CXADR: variants seen among roughly 807,000 people sequenced by gnomAD.
The protein encoded by CXADR is CXADR cell adhesion molecule, also known as coxsackievirus and adenovirus receptor.
In CXADR, 20 loss-of-function variants were observed where a neutral mutation model predicts 40.3. The ratio of observed to expected loss-of-function variants is 0.50; its 90% CI spans 0.35 to 0.72. The LOEUF is 0.72. CXADR is among the 30% of genes least tolerant of loss of function. CXADR has a pLI of 0.01. For synonymous variants in CXADR, 150 were observed against 161.3 expected, an observed-to-expected ratio of 0.93 and a Z score of 0.53; for missense variants, 332 against 449.1, an observed-to-expected ratio of 0.74 and a Z score of 2.36.
chr21:17,531,390 G>T (rs957095369), intron 1 of CXADR, among the ~76,000 whole-genome samples: 1 of 151,620 alleles, frequency 6.6e-6, no homozygotes, highest in Non-Finnish European at 1.5e-5. Context: ...GACTATTCTG[G>T]TGGATGTGTT....
chr21:17,532,088 G>A (rs758738270), intron 1 of CXADR, among the ~76,000 whole-genome samples: 17 of 151,890 alleles, frequency 1.1e-4, no homozygotes, highest in Non-Finnish European at 1.8e-4. Flanking sequence ...GCACCACCAC[G>A]TACAACTAAC....
intron 7 of CXADR, among the ~76,000 whole-genome samples, chr21:17,584,708 G>C (rs2061382827): frequency 6.6e-6 from 1 of 152,130 alleles, no homozygotes; most frequent in Admixed American, 6.5e-5. Context: ...GCGGGCACCT[G>C]TAATCCCAGC....
At chr21:17,587,988 G>T (rs1189318181) in intron 7 of CXADR, among the ~76,000 whole-genome samples, 1 of 152,020 alleles carries the variant, frequency 6.6e-6, no homozygotes, top group Non-Finnish European at 1.5e-5. Context: ...TATTAAATAG[G>T]GAATCCTTTC....
At chr21:17,522,741 C>T (rs969308722) in intron 1 of CXADR, among the ~76,000 whole-genome samples, 2 of 152,118 alleles carry the variant, frequency 1.3e-5, no homozygotes, top group African/African-American at 4.8e-5. Flanking sequence ...CTTCGTGTAC[C>T]GTAAATGCCA....
At chr21:17,534,732 A>G (rs1344510102) in intron 1 of CXADR, among the ~76,000 whole-genome samples, 1 of 151,630 alleles carries the variant, frequency 6.6e-6, no homozygotes, top group African/African-American at 2.4e-5. Flanking sequence ...GAACCTCTAA[A>G]TCTACTTATA....
intron 1 of CXADR, chr21:17,527,035 C>G (rs569561724): frequency 6.6e-6 from 1 of 152,240 alleles, no homozygotes; most frequent in Non-Finnish European, 1.5e-5. Flanking sequence ...GCAAAATACC[C>G]TATTTGCATT....
At chr21:17,586,414 T>TATAA (rs1282952890) in intron 7 of CXADR, among the ~76,000 whole-genome samples, 6 of 147,212 alleles carry the variant, frequency 4.1e-5, no homozygotes, top group African/African-American at 1.5e-4. Flanking sequence ...TATATATATA[T>TATAA]AATATATATT....
chr21:17,559,259 A>T (rs2061075353), intron 4 of CXADR, 128 bp downstream of exon 4: 1 of 937,636 alleles, frequency 1.1e-6, no homozygotes, highest in South Asian at 1.7e-5. Context: ...GGCTCACTGA[A>T]GCTTCAACCT....
At chr21:17,519,098 T>A (rs1412803893) in intron 1 of CXADR, 3 of 814,092 alleles carry the variant, frequency 3.7e-6, no homozygotes, top group Middle Eastern at 3.5e-4. Context: ...TTCCTGCGAT[T>A]ATACCACCAT....
intron 1 of CXADR, among the ~76,000 whole-genome samples, chr21:17,528,428 AT>A (rs1163131747): frequency 6.6e-6 from 1 of 150,662 alleles, no homozygotes; most frequent in Non-Finnish European, 1.5e-5. Context: ...TTTTTTTGAA[AT>A]GGAGTTTCGC....
chr21:17,572,197 A>C (rs1264032789), downstream of CXADR, among the ~76,000 whole-genome samples: 2 of 61,014 alleles, frequency 3.3e-5, no homozygotes, highest in Non-Finnish European at 7.4e-5. Flanking sequence ...CCCCATCTCT[A>C]CTAAAAATAC....
chr21:17,554,544 G>C (rs972633225), intron 3 of CXADR, among the ~76,000 whole-genome samples: 1 of 152,134 alleles, frequency 6.6e-6, no homozygotes, highest in Non-Finnish European at 1.5e-5. Context: ...AGTGATTGCC[G>C]AAGAGAAGTA....
chr21:17,538,693 G>A (rs1218663379), intron 1 of CXADR, among the ~76,000 whole-genome samples: 4 of 152,114 alleles, frequency 2.6e-5, no homozygotes, highest in African/African-American at 7.2e-5. Context: ...GCACATACCT[G>A]TAGTCCCAGC....
chr21:17,562,722 A>G (rs2061141490), intron 6 of CXADR, among the ~76,000 whole-genome samples: 1 of 152,188 alleles, frequency 6.6e-6, no homozygotes, highest in Admixed American at 6.5e-5. Context: ...CGATCTTTTA[A>G]CTAGATCTTC....
intron 3 of CXADR, among the ~76,000 whole-genome samples, chr21:17,558,443 G>A (rs558737980): frequency 1.3e-5 from 2 of 152,232 alleles, no homozygotes; most frequent in African/African-American, 4.8e-5. Context: ...TTTGTAGCCT[G>A]CTCTTTGGAT....
chr21:17,575,233 G>A (rs113404873), intron 7 of CXADR, among the ~76,000 whole-genome samples: 35 of 152,128 alleles, frequency 2.3e-4, no homozygotes, highest in Admixed American at 4.6e-4. Context: ...TGCCCAGGTC[G>A]GAGTGCAGTG....
chr21:17,600,003 C>T, the CXADR span, among the ~76,000 whole-genome samples: 1 of 152,010 alleles, frequency 6.6e-6, no homozygotes, highest in Non-Finnish European at 1.5e-5. Context: ...TTCAGAGTTT[C>T]CTAGGATAAC....
intron 3 of CXADR, among the ~76,000 whole-genome samples, chr21:17,556,431 C>T (rs989391267): frequency 1.1e-4 from 16 of 151,854 alleles, no homozygotes; most frequent in African/African-American, 3.4e-4. Context: ...AATAACTATC[C>T]GTTATTAGAT....
the CXADR span, among the ~76,000 whole-genome samples, chr21:17,622,765 T>A: frequency 6.6e-6 from 1 of 152,204 alleles, no homozygotes; most frequent in Non-Finnish European, 1.5e-5. Context: ...TATTGAACTA[T>A]CATGGAGCTG....
Sources: allele counts gnomAD v4.1 joint callset (sites outside exome capture counted in the v4.1 genomes callset), GRCh38; gene constraint gnomAD v4.1.1; transcripts MANE v1.5; gene names NCBI Gene and HGNC (gene_info 2026-07-23, HGNC 2026-07-21).